GPR19: variants seen among roughly 807,000 people sequenced by gnomAD.
GPR19 encodes G protein-coupled receptor 19, also known as probable G protein-coupled receptor 19.
Under a neutral mutation model 28.5 loss-of-function variants are expected in GPR19, and 14 were observed. That is an observed-to-expected ratio of 0.49 (90% CI 0.32 to 0.77). GPR19 has a LOEUF of 0.77. Among genes scored for constraint, GPR19 ranks in the 30% least tolerant of loss-of-function variants. The pLI is 0.03. For missense variants in GPR19, 409 were observed against 504.1 expected, an observed-to-expected ratio of 0.81 and a Z score of 1.81; for synonymous variants, 173 against 184.1, an observed-to-expected ratio of 0.94 and a Z score of 0.49.
upstream of GPR19, among the ~76,000 whole-genome samples, chr12:12,698,456 T>C (rs1013401827): frequency 6.6e-6 from 1 of 152,230 alleles, no homozygotes; most frequent in Non-Finnish European, 1.5e-5. Context: ...TTTATGTGAA[T>C]CTGAGTTCTC....
chr12:12,687,798 A>G lies in GPR19; in HGVS notation c.-179-3291T>C, dbSNP rs117398777. Among the ~76,000 whole-genome samples the G allele has an allele frequency of 1.8e-3, 273 of 152,338 alleles. 9 individuals are homozygous for G. The East Asian group carries it at 0.049, about 27-fold the overall frequency. The stretch of plus-strand genomic sequence containing the variant: ...AGAAATTCATTAAAATGGTTTTCTT[A>G]AAACAACGCTCTTACCAGGCACGGT... On this transcript the variant is annotated intron_variant, in intron 2 of 3. Coordinates refer to ENST00000651487, the MANE Select transcript of GPR19 (RefSeq NM_006143.3).
At chr12:12,703,476 A>T in the GPR19 span, 11 of 958,386 alleles carry the variant, frequency 1.1e-5, no homozygotes, top group Non-Finnish European at 6.2e-6. Context: ...AAAGATTCCC[A>T]AGGTCTGTGA....
At chr12:12,688,657 A>AT (rs1342354448) in intron 2 of GPR19, 1 of 152,232 alleles carries the variant, frequency 6.6e-6, no homozygotes, top group Non-Finnish European at 1.5e-5. Flanking sequence ...AGACACAGAT[A>AT]TGACAATCAA....
the GPR19 span, among the ~76,000 whole-genome samples, chr12:12,713,057 CTTTTTTT>C: frequency 4.6e-5 from 5 of 108,088 alleles, no homozygotes; most frequent in African/African-American, 1.4e-4. Flanking sequence ...ATCTGATGCG[CTTTTTTT>C]TTTTTTTTTT....
At chr12:12,672,959 TAATA>T in intron 3 of GPR19, among the ~76,000 whole-genome samples, 1 of 152,202 alleles carries the variant, frequency 6.6e-6, no homozygotes, top group African/African-American at 2.4e-5. Context: ...GGGAAACAAA[TAATA>T]AACAGCTAAA....
the GPR19 span, among the ~76,000 whole-genome samples, chr12:12,709,395 C>T: frequency 6.6e-6 from 1 of 152,180 alleles, no homozygotes; most frequent in Admixed American, 6.5e-5. Flanking sequence ...TTCTGACACT[C>T]TGCAGACAGA....
chr12:12,717,042 A>C, the GPR19 span: 1 of 1,005,246 alleles, frequency 9.9e-7, no homozygotes, highest in Non-Finnish European at 1.2e-6. Flanking sequence ...CGCCGCGGCG[A>C]ACCCGCCAAC....
At chr12:12,674,689 T>G (rs1022352873) in intron 3 of GPR19, among the ~76,000 whole-genome samples, 2 of 152,136 alleles carry the variant, frequency 1.3e-5, no homozygotes, top group Non-Finnish European at 2.9e-5. Context: ...AAAAATCTCT[T>G]TTGAAAACCT....
At chr12:12,670,905 A>C (rs59391952) in intron 3 of GPR19, among the ~76,000 whole-genome samples, 4,326 of 152,270 alleles carry the variant, frequency 0.028, 204 homozygotes, top group African/African-American at 0.099. Context: ...GGATGATTTT[A>C]TGTGACATGT....
Position 12,684,336 on chromosome 12 carries a change from A to G in GPR19, c.-23+15T>C, listed in dbSNP as rs192042722. ...CAAATTTCAGTCGCAATACCAAGGG[A>G]TCCCTATCACATACCTTCATCCGGA... On this transcript the variant is annotated intron_variant, in intron 3 of 3. Transcript: ENST00000651487. 6.6e-6 allele frequency: 1 copy of G among 152,308 alleles called. No individual in the cohort carries two copies. Among genetic ancestry groups the G allele is most frequent in the Non-Finnish European group, 1.5e-5 (1 of 68,032 alleles). 9.4% of individuals were successfully genotyped at this position (152,308 alleles called of 1,614,324 possible).
chr12:12,712,791 C>T, the GPR19 span, among the ~76,000 whole-genome samples: 1 of 152,168 alleles, frequency 6.6e-6, no homozygotes, highest in Non-Finnish European at 1.5e-5. Flanking sequence ...CCTCTGCTTT[C>T]TGAGTTGCTG....
chr12:12,667,317 T>C (rs186384477), intron 3 of GPR19, among the ~76,000 whole-genome samples: 9 of 152,170 alleles, frequency 5.9e-5, no homozygotes, highest in Non-Finnish European at 1.3e-4. Context: ...ATCATTCATT[T>C]ATCCTATTAT....
chr12:12,704,678 A>G, the GPR19 span, among the ~76,000 whole-genome samples: 2 of 152,238 alleles, frequency 1.3e-5, no homozygotes, highest in African/African-American at 2.4e-5. Context: ...AAAGCAGATT[A>G]TAAATACAGT....
At chr12:12,666,772 CTAGGAGAAT>C (rs1468449581) in intron 3 of GPR19, among the ~76,000 whole-genome samples, 2 of 152,282 alleles carry the variant, frequency 1.3e-5, no homozygotes, top group African/African-American at 4.8e-5. Flanking sequence ...TGTGCCTCTG[CTAGGAGAAT>C]TAAATGCACA....
Position 12,662,033 on chromosome 12 carries a change from T to G in GPR19, c.416A>C (p.Lys139Thr). Reference sequence around the variant, plus strand: ...GAGATATTGAAAATATCGCACAACCTTGCACGTTGCACTACCCAGCGTCCA... The same window carrying G: ...GAGATATTGAAAATATCGCACAACCGTGCACGTTGCACTACCCAGCGTCCA... ...GRWTLGSATC[K>T]VVRYFQYLTP... The change falls in exon 4 of 4, where the codon AAG (lysine) becomes ACG (threonine). Residue 139 changes from lysine to threonine, a missense_variant. Lys to Thr is a moderately conservative substitution (Grantham distance 78). Coordinates refer to ENST00000651487, the MANE Select transcript of GPR19 (RefSeq NM_006143.3). 1.2e-6 allele frequency: 2 copies of G among 1,614,218 alleles called. No homozygotes were observed. The highest frequency in any genetic ancestry group is 8.5e-7 in the Non-Finnish European group (1 of 1,180,032).
chr12:12,706,720 A>G, the GPR19 span, among the ~76,000 whole-genome samples: 1 of 152,136 alleles, frequency 6.6e-6, no homozygotes, highest in Non-Finnish European at 1.5e-5. Context: ...ACACACACAG[A>G]CCATTTCCAA....
At chr12:12,679,768 G>C (rs554757518) in intron 3 of GPR19, among the ~76,000 whole-genome samples, 2 of 152,216 alleles carry the variant, frequency 1.3e-5, no homozygotes, top group Admixed American at 1.3e-4. Context: ...GAGAAAGCCT[G>C]CTCTAGAGTC....
chr12:12,661,793 T>C lies in GPR19; in HGVS notation c.656A>G (p.Glu219Gly). The C allele has an allele frequency of 6.2e-7, 1 of 1,613,934 alleles. No homozygotes were observed. The highest frequency in any genetic ancestry group is 1.1e-5 in the South Asian group (1 of 91,060). ...HCNYFLPSSW[E>G]GTAYTVIHFL... is the part of the protein sequence containing the mutation. ...GTGGATGACAGTGTAGGCAGTGCCT[T>C]CCCAAGAGGAGGGGAGGAAATAGTT... is the stretch of plus-strand genomic sequence containing the variant. The change falls in exon 4 of 4, where the codon GAA becomes GGA. Residue 219 changes from glutamate (E) to glycine (G), a missense_variant. Glu to Gly is a moderately conservative substitution (Grantham distance 98). Coordinates refer to ENST00000651487, the MANE Select transcript of GPR19 (RefSeq NM_006143.3). This position sits in a 1 kb window ranked among gnomAD's most constrained non-coding sequence, Gnocchi z 4.2.
rs953251130 is a variant in GPR19 at position 12,683,566 on chromosome 12, C to T, written c.-23+785G>A. ...ATCTCTAAAATGTGGGTAATAAAAC[C>T]TTCCTCAAAGGGTTGTTATAAGGAT... On this transcript the variant is annotated intron_variant, in intron 3 of 3. Coordinates refer to ENST00000651487, the MANE Select transcript of GPR19 (RefSeq NM_006143.3). Among the ~76,000 whole-genome samples the T allele has an allele frequency of 3.3e-5, 5 of 152,294 alleles. No homozygotes were observed. In the East Asian group the frequency reaches 9.6e-4, roughly 29 times the overall value.
Sources: allele counts gnomAD v4.1 joint callset (sites outside exome capture counted in the v4.1 genomes callset), GRCh38; gene constraint gnomAD v4.1.1; non-coding constraint Gnocchi (gnomAD v3.1); transcripts MANE v1.5; gene names NCBI Gene and HGNC (gene_info 2026-07-23, HGNC 2026-07-21).